ABCA6: variants seen among roughly 807,000 people sequenced by gnomAD.
ABCA6 encodes ATP-binding cassette sub-family A member 6.
Under a neutral mutation model 191.2 loss-of-function variants are expected in ABCA6, and 164 were observed. That is an observed-to-expected ratio of 0.86 (90% confidence interval 0.76 to 0.98). ABCA6 has a LOEUF of 0.98. Ranked by LOEUF, ABCA6 falls within the 50% of genes least tolerant of loss-of-function variation. The pLI is 0.00. For synonymous variants in ABCA6, 636 were observed against 647.7 expected, an observed-to-expected ratio of 0.98 and a Z score of 0.27; for missense variants, 1,958 against 1,894.1, an observed-to-expected ratio of 1.03 and a Z score of -0.63.
intron 23 of ABCA6, 96 bp from the exon 24 acceptor site, chr17:69,096,897 T>C: frequency 9.3e-7 from 1 of 1,074,432 alleles, no homozygotes; most frequent in Non-Finnish European, 1.3e-6. Flanking sequence ...ATTTTTAAGA[T>C]AAATATAATC....
At chr17:69,098,743 T>C (rs938075822) in intron 22 of ABCA6, among the ~76,000 whole-genome samples, 2 of 151,298 alleles carry the variant, frequency 1.3e-5, no homozygotes, top group Non-Finnish European at 2.9e-5. Context: ...TCCACTTATA[T>C]AAGGTTTCTA....
chr17:69,127,560 C>T (rs1449868507), intron 8 of ABCA6, among the ~76,000 whole-genome samples: 1 of 152,038 alleles, frequency 6.6e-6, no homozygotes, highest in African/African-American at 2.4e-5. Context: ...CAAATTAACA[C>T]TACAATGATA....
chr17:69,096,340 G>C lies in ABCA6; in HGVS notation c.3308C>G (p.Pro1103Arg), dbSNP rs140988037. 1 of 1,473,154 alleles carries C rather than the reference G, an allele frequency of 6.8e-7. No individual in the cohort carries two copies. Among genetic ancestry groups the C allele is most frequent in the Non-Finnish European group, 9.1e-7 (1 of 1,097,878 alleles). 91.3% of individuals were successfully genotyped at this position (1,473,154 alleles called of 1,614,324 possible). Reference sequence around the variant, plus strand: ...GAAGACAAGAGAAGCTGCATAACCAGGAGTAACTATAACCTGAGCATAAAA... The same window carrying C: ...GAAGACAAGAGAAGCTGCATAACCACGAGTAACTATAACCTGAGCATAAAA... The part of the protein sequence containing the change: ...QIVFALVIVT[P>R]GYAASLVFFI... The change falls in exon 25 of 39, where the codon CCT becomes CGT. Residue 1103 changes from proline to arginine, a missense_variant. By Grantham distance (103) the Pro-to-Arg change is moderately radical (BLOSUM62 -2). Coordinates refer to ENST00000284425, the MANE Select transcript of ABCA6 (RefSeq NM_080284.3).
intron 22 of ABCA6, 49 bp downstream of exon 22, chr17:69,100,748 C>G (rs776997792): frequency 6.6e-7 from 1 of 1,508,054 alleles, no homozygotes. Context: ...AAAACATAGG[C>G]TATTTGTCCA....
chr17:69,088,792 T>A (rs2072863054), intron 27 of ABCA6, among the ~76,000 whole-genome samples: 1 of 152,176 alleles, frequency 6.6e-6, no homozygotes, highest in Admixed American at 6.5e-5. Flanking sequence ...TCTCGCTTTA[T>A]CCCATGACTT....
At position 69,137,415 on chromosome 17, in the gene ABCA6, G is replaced by T; in HGVS notation, c.182C>A (p.Pro61His). 1.2e-6 allele frequency: 2 copies of T among 1,613,752 alleles called. No homozygotes were observed. Among genetic ancestry groups the T allele is most frequent in the Non-Finnish European group, 1.7e-6 (2 of 1,179,806 alleles). Residue 61 changes from proline to histidine, a missense_variant, in exon 3 of 39, where the codon CCT becomes CAT. Coordinates refer to ENST00000284425, the MANE Select transcript of ABCA6 (RefSeq NM_080284.3). ...MRNVQFPGMA[P>H]QNLGRVDKFN... ...TTTATCTACCCTTCCCAGATTCTGA[G>T]GAGCCATTCCAGGAAACTGGACATT...
At chr17:69,131,946 CT>C (rs1450303617) in intron 6 of ABCA6, among the ~76,000 whole-genome samples, 1 of 152,172 alleles carries the variant, frequency 6.6e-6, no homozygotes, top group Admixed American at 6.5e-5. Flanking sequence ...GGGTTCCCTC[CT>C]AACAGACTCC....
chr17:69,118,903 G>T (rs1304830150), intron 10 of ABCA6, among the ~76,000 whole-genome samples: 1 of 151,776 alleles, frequency 6.6e-6, no homozygotes, highest in East Asian at 1.9e-4. Flanking sequence ...CTAATGGTTT[G>T]CTGCATAGAT....
chr17:69,079,131 C>A, intron 38 of ABCA6, 57 bp from the exon 39 acceptor site: 1 of 1,577,252 alleles, frequency 6.3e-7, no homozygotes, highest in South Asian at 1.1e-5. Flanking sequence ...AGTTGTTGGT[C>A]TTCCAAATGA....
At chr17:69,108,498 A>G (rs1306006443) in intron 17 of ABCA6, 1 of 151,990 alleles carries the variant, frequency 6.6e-6, no homozygotes, top group Non-Finnish European at 1.5e-5. Flanking sequence ...ACTTTTCCCT[A>G]TCTAGTTAGA....
At chr17:69,089,847 A>G (rs1046289230) in intron 26 of ABCA6, among the ~76,000 whole-genome samples, 31 of 152,190 alleles carry the variant, frequency 2.0e-4, no homozygotes, top group Non-Finnish European at 1.5e-5. Flanking sequence ...TGAAACAGTA[A>G]TATGCTATTA....
intron 2 of ABCA6, among the ~76,000 whole-genome samples, chr17:69,139,305 T>C (rs575291305): frequency 1.3e-5 from 2 of 152,226 alleles, no homozygotes; most frequent in South Asian, 4.2e-4. Context: ...AAGACACTTC[T>C]CAAAAGAAGA....
intron 8 of ABCA6, among the ~76,000 whole-genome samples, chr17:69,127,770 T>C (rs8079981): frequency 0.75 from 113,361 of 151,976 alleles, 43,035 homozygotes; most frequent in African/African-American, 0.88. Flanking sequence ...GTTTGTTATA[T>C]TAACGTAATG....
chr17:69,117,266 C>T (rs2073554379), intron 11 of ABCA6, among the ~76,000 whole-genome samples: 1 of 151,980 alleles, frequency 6.6e-6, no homozygotes, highest in Non-Finnish European at 1.5e-5. Flanking sequence ...TCTTTTTCAG[C>T]TTTTAAGGCT....
Position 69,112,258 on chromosome 17 carries a change from A to G in ABCA6, c.2057T>C (p.Met686Thr). The change falls in exon 16 of 39, where the codon ATG (methionine) becomes ACG (threonine). Residue 686 changes from methionine to threonine, a missense_variant. Transcript: ENST00000284425. ...TGCACACTTCAGTCTCCCATTGGACATGATCACTTTTCTATCTGAATGAAA... is the reference window on the plus strand; with the variant it reads ...TGCACACTTCAGTCTCCCATTGGACGTGATCACTTTTCTATCTGAATGAAA... ...ADILADRKVIMSNGRLKCAGS... is the reference protein window; with the variant it reads ...ADILADRKVITSNGRLKCAGS... The G allele has an allele frequency of 1.9e-6, 3 of 1,611,984 alleles. No individual in the cohort carries two copies. Among genetic ancestry groups the G allele is most frequent in the Non-Finnish European group, 2.5e-6 (3 of 1,178,558 alleles).
intron 17 of ABCA6, chr17:69,109,109 T>G (rs1171222594): frequency 6.6e-6 from 1 of 152,226 alleles, no homozygotes; most frequent in African/African-American, 2.4e-5. Flanking sequence ...AGCTAAAATC[T>G]GGGAATTCCT....
In ABCA6 at chr17:69,079,234, G is replaced by C. The variant is rs767573892; in HGVS notation, c.4728C>G (p.Ser1576Arg). Reference sequence around the variant, plus strand: ...CCTTCTCCAGTGTGCACTGAGAAAGGCTGTATTCTTCCAGGTTAAAGTTAT... The same window carrying C: ...CCTTCTCCAGTGTGCACTGAGAAAGCCTGTATTCTTCCAGGTTAAAGTTAT... Reference protein sequence around the residue: ...VKHNFNLEEYSLSQCTLEKVF... With the variant: ...VKHNFNLEEYRLSQCTLEKVF... Residue 1576 changes from serine to arginine, a missense_variant, in exon 38 of 39, where the codon AGC becomes AGG. Ser to Arg is a moderately radical substitution (Grantham distance 110). Transcript: ENST00000284425. The C allele has an allele frequency of 1.2e-6, 2 of 1,607,928 alleles. No individual in the cohort carries two copies. The highest frequency in any genetic ancestry group is 1.7e-6 in the Non-Finnish European group (2 of 1,176,844).
chr17:69,088,302 A>T (rs2072851557), intron 27 of ABCA6, 44 bp from the exon 28 acceptor site: 1 of 1,388,380 alleles, frequency 7.2e-7, no homozygotes, highest in Non-Finnish European at 9.8e-7. Flanking sequence ...TAAGTTCACA[A>T]ATATTATTTA....
intron 9 of ABCA6, 31 bp downstream of exon 9, chr17:69,124,857 A>G (rs2144697013): frequency 7.3e-7 from 1 of 1,363,860 alleles, no homozygotes; most frequent in Non-Finnish European, 1.0e-6. Flanking sequence ...TAATAACTGT[A>G]GAGGACAGAG....
Sources: gnomAD v4.1 joint callset for allele counts (sites outside exome capture counted in the v4.1 genomes callset) on GRCh38, gnomAD v4.1.1 for gene constraint, MANE v1.5 for transcripts, NCBI Gene and HGNC (gene_info 2026-07-23, HGNC 2026-07-21) for gene names.